Variants in DOK5 observed in about 807,000 individuals in gnomAD.
The protein encoded by DOK5 is downstream of tyrosine kinase 5.
DOK5 carries 27 observed loss-of-function variants against 43.3 expected under a neutral mutation model. The ratio of observed to expected loss-of-function variants is 0.62; its 90% confidence interval spans 0.46 to 0.86. The LOEUF (loss-of-function observed/expected upper bound fraction) is 0.86, where lower values mean the gene tolerates loss of function less well. Among genes scored for constraint, DOK5 ranks in the 40% least tolerant of loss-of-function variants. The pLI is 0.00. For synonymous variants in DOK5, 146 were observed against 140.1 expected, an observed-to-expected ratio of 1.04 and a Z score of -0.30; for missense variants, 373 against 392.9, an observed-to-expected ratio of 0.95 and a Z score of 0.43.
intron 6 of DOK5, among the ~76,000 whole-genome samples, chr20:54,619,185 C>T (rs937435218): frequency 2.7e-5 from 4 of 147,346 alleles, no homozygotes; most frequent in African/African-American, 1.0e-4. Flanking sequence ...AAATTCAATG[C>T]ATTGTTATTA....
In DOK5 at chr20:54,561,100, G is replaced by C. The variant is rs112016648; in HGVS notation, c.174+6060G>C. On this transcript the variant is annotated intron_variant, in intron 2 of 7. Coordinates refer to ENST00000262593, the MANE Select transcript of DOK5 (RefSeq NM_018431.5). The stretch of plus-strand genomic sequence containing the variant: ...CCGCTGTATAGACCCCTTTTCTTTC[G>C]TGGTCCATGTGGCAAACATTTATCA... Among the ~76,000 whole-genome samples, 966 of 152,176 alleles carry C rather than the reference G, an allele frequency of 6.3e-3. 11 individuals carry two copies. The highest frequency in any genetic ancestry group is 0.022 in the African/African-American group (907 of 41,510).
intron 4 of DOK5, 37 bp downstream of exon 4, chr20:54,588,843 C>A (rs766427445): frequency 2.5e-5 from 41 of 1,608,220 alleles, no homozygotes; most frequent in Admixed American, 3.4e-5. Flanking sequence ...TCTTTCAAAA[C>A]TGCTTCTGTC....
At chr20:54,526,430 G>T (rs896950368) in intron 1 of DOK5, among the ~76,000 whole-genome samples, 5 of 152,144 alleles carry the variant, frequency 3.3e-5, no homozygotes, top group African/African-American at 1.2e-4. Context: ...GGCTACCCAG[G>T]GTGCTGGCTG....
intron 2 of DOK5, among the ~76,000 whole-genome samples, chr20:54,582,516 G>A (rs13043494): frequency 0.088 from 13,309 of 151,278 alleles, 1,037 homozygotes; most frequent in African/African-American, 0.21. Flanking sequence ...CTGATCATGT[G>A]TATTTCTTTG....
intron 6 of DOK5, among the ~76,000 whole-genome samples, chr20:54,618,406 T>G (rs145759062): frequency 0.012 from 1,856 of 151,946 alleles, 39 homozygotes; most frequent in African/African-American, 0.043. Flanking sequence ...TGCAATGGCA[T>G]GATCTCAGCT....
intron 2 of DOK5, among the ~76,000 whole-genome samples, chr20:54,577,019 G>T (rs2146754128): frequency 6.6e-6 from 1 of 152,294 alleles, no homozygotes; most frequent in South Asian, 2.1e-4. Flanking sequence ...GAGCCTGTCA[G>T]GGATTCATTC....
At chr20:54,641,636 A>G (rs1568825562) in intron 6 of DOK5, among the ~76,000 whole-genome samples, 1 of 152,046 alleles carries the variant, frequency 6.6e-6, no homozygotes. Context: ...CCAAGTAGGT[A>G]TCATCTCATC....
rs143942899 is a variant in DOK5 at position 54,578,605 on chromosome 20, T to A, written c.175-9878T>A. 4.9e-4 allele frequency among the ~76,000 whole-genome samples: 74 copies of A among 152,340 alleles called. 1 individual carries two copies. The highest frequency in any genetic ancestry group is 1.7e-3 in the African/African-American group (70 of 41,574). On this transcript the variant is annotated intron_variant, in intron 2 of 7. Transcript: ENST00000262593. ...CTAAAAATAAATAACTCTATTTACATACCATTTTTAATAATAAAATTTGAC... is the reference window on the plus strand; with the variant it reads ...CTAAAAATAAATAACTCTATTTACAAACCATTTTTAATAATAAAATTTGAC...
At chr20:54,572,738 A>T (rs1397479497) in intron 2 of DOK5, among the ~76,000 whole-genome samples, 1 of 152,054 alleles carries the variant, frequency 6.6e-6, no homozygotes, top group Non-Finnish European at 1.5e-5. Context: ...AGATTATTAG[A>T]TCTTTCCCTT....
At chr20:54,615,303 C>G (rs184273713) in intron 6 of DOK5, among the ~76,000 whole-genome samples, 7 of 152,152 alleles carry the variant, frequency 4.6e-5, no homozygotes, top group African/African-American at 1.4e-4. Flanking sequence ...TCCCCAAATA[C>G]GCCCGCATTC....
chr20:54,582,945 G>A (rs934817340), intron 2 of DOK5, among the ~76,000 whole-genome samples: 3 of 151,452 alleles, frequency 2.0e-5, no homozygotes, highest in Non-Finnish European at 4.4e-5. Flanking sequence ...TAGTTCCTTG[G>A]GGTGTAAATT....
At chr20:54,476,268 G>A in intron 1 of DOK5, 1 of 919,942 alleles carries the variant, frequency 1.1e-6, no homozygotes, top group Middle Eastern at 5.5e-4. Context: ...AGCCCCTGGA[G>A]CCCATCTACT....
chr20:54,489,462 T>C (rs992088236), intron 1 of DOK5, among the ~76,000 whole-genome samples: 1 of 152,150 alleles, frequency 6.6e-6, no homozygotes, highest in African/African-American at 2.4e-5. Flanking sequence ...TTTATACTTA[T>C]ATAGTCTTCT....
intron 6 of DOK5, among the ~76,000 whole-genome samples, chr20:54,612,295 C>T (rs1048143087): frequency 2.6e-5 from 4 of 152,232 alleles, no homozygotes; most frequent in South Asian, 2.1e-4. Context: ...TAAGCATTTG[C>T]GAGAAACCAG....
At chr20:54,530,384 G>A (rs187294002) in intron 1 of DOK5, among the ~76,000 whole-genome samples, 1 of 152,280 alleles carries the variant, frequency 6.6e-6, no homozygotes. Context: ...CATCTGTAGA[G>A]AGTCTACATT....
At chr20:54,622,625 T>A (rs1987017830) in intron 6 of DOK5, among the ~76,000 whole-genome samples, 1 of 152,190 alleles carries the variant, frequency 6.6e-6, no homozygotes, top group Non-Finnish European at 1.5e-5. Context: ...ACTCGAAAAC[T>A]AGTTTTAATA....
At chr20:54,605,275 A>G (rs1986436994) in intron 5 of DOK5, among the ~76,000 whole-genome samples, 1 of 152,222 alleles carries the variant, frequency 6.6e-6, no homozygotes, top group Non-Finnish European at 1.5e-5. Context: ...TTTAGTTTTC[A>G]TAATTTCAAC....
At chr20:54,482,557 G>A (rs1049510504) in intron 1 of DOK5, among the ~76,000 whole-genome samples, 2 of 152,096 alleles carry the variant, frequency 1.3e-5, no homozygotes, top group African/African-American at 4.8e-5. Flanking sequence ...GTGTCCTGGT[G>A]TGATCTCGGC....
intron 6 of DOK5, among the ~76,000 whole-genome samples, chr20:54,631,020 A>G (rs1978539479): frequency 6.6e-6 from 1 of 152,196 alleles, no homozygotes; most frequent in Non-Finnish European, 1.5e-5. Flanking sequence ...TGGTTAGGGA[A>G]ATGAACAAAC....
Sources: allele counts gnomAD v4.1 joint callset (sites outside exome capture counted in the v4.1 genomes callset), GRCh38; gene constraint gnomAD v4.1.1; transcripts MANE v1.5; gene names NCBI Gene and HGNC (gene_info 2026-07-23, HGNC 2026-07-21).